Variants in RREB1 observed in about 807,000 individuals in gnomAD.
RREB1 encodes the protein ras-responsive element-binding protein 1.
A neutral mutation model predicts 117.8 loss-of-function variants in RREB1; 27 were observed. That is an observed-to-expected ratio of 0.23 (90% CI 0.17 to 0.32). The LOEUF (loss-of-function observed/expected upper bound fraction) is 0.32. Ranked by LOEUF, RREB1 falls within the 10% of genes least tolerant of loss-of-function variation. The pLI is 1.00. For synonymous variants in RREB1, 1,298 were observed against 1,026.7 expected (o/e 1.26, Z -5.05); for missense variants, 2,577 against 2,378.2 (o/e 1.08, Z -1.74).
At chr6:7,211,063 C>T (rs1164620773) in intron 7 of RREB1, 115 bp downstream of exon 7, 7 of 1,043,690 alleles carry the variant, frequency 6.7e-6, no homozygotes, top group South Asian at 3.2e-5. Context: ...AAGCTCTTAA[C>T]GTGTGTTTTC....
At position 7,197,522 on chromosome 6, in the gene RREB1, T is replaced by TA. The variant is rs370175446; in HGVS notation, c.425+8207dup. On this transcript the variant is annotated intron_variant, in intron 6 of 12. Coordinates refer to ENST00000379938, the MANE Select transcript of RREB1 (RefSeq NM_001003699.4). ...CAACATGGCAAAACCCCATCTCTAC[T>TA]AAAAAAACAAAAATTAGCCAGATTA... Among the ~76,000 whole-genome samples, 346 of 152,234 alleles carry TA rather than the reference T, an allele frequency of 2.3e-3. 4 individuals carry two copies. The highest frequency in any genetic ancestry group is 7.7e-3 in the African/African-American group (319 of 41,552).
At chr6:7,248,021 C>G (rs1013968602) in intron 12 of RREB1, among the ~76,000 whole-genome samples, 2 of 152,354 alleles carry the variant, frequency 1.3e-5, no homozygotes, top group Non-Finnish European at 2.9e-5. Flanking sequence ...GAGGGATATT[C>G]TTGGGCTCCC....
intron 1 of RREB1, among the ~76,000 whole-genome samples, chr6:7,153,941 A>C (rs909702307): frequency 2.0e-5 from 3 of 152,228 alleles, no homozygotes; most frequent in Admixed American, 2.0e-4. Context: ...CCACAAGGAA[A>C]GAGCTAGTGG....
In RREB1 at chr6:7,189,293, G is replaced by C. The variant is rs1402200427; in HGVS notation, c.396G>C (p.Gln132His). The C allele has an allele frequency of 6.3e-7, 1 of 1,598,280 alleles. No individual in the cohort carries two copies. The highest frequency in any genetic ancestry group is 1.1e-5 in the South Asian group (1 of 88,992). Reference sequence around the variant, plus strand: ...CTTACAAGTGCACTGTGTGTGGCCAGTCATTTACCACCAATGGGAACATGC... The same window carrying C: ...CTTACAAGTGCACTGTGTGTGGCCACTCATTTACCACCAATGGGAACATGC... ...ERPYKCTVCG[Q>H]SFTTNGNMHR... Residue 132 changes from glutamine (Q) to histidine (H), a missense_variant, in exon 6 of 13, where the codon CAG becomes CAC. Physicochemically the swap from Gln to His is conservative, Grantham distance 24. Coordinates refer to ENST00000379938, the MANE Select transcript of RREB1 (RefSeq NM_001003699.4).
intron 6 of RREB1, among the ~76,000 whole-genome samples, chr6:7,203,591 C>T (rs918276404): frequency 7.2e-5 from 11 of 152,070 alleles, no homozygotes; most frequent in Non-Finnish European, 1.2e-4. Context: ...GCTGATGAGC[C>T]GTGGAGATTG....
At chr6:7,214,923 T>C (rs1442849754) in intron 8 of RREB1, 1 of 152,240 alleles carries the variant, frequency 6.6e-6, no homozygotes, top group Non-Finnish European at 1.5e-5. Flanking sequence ...GTGTTTCAAA[T>C]GAATGAAGTG....
At chr6:7,171,871 C>T (rs1764227773) in intron 1 of RREB1, among the ~76,000 whole-genome samples, 3 of 151,284 alleles carry the variant, frequency 2.0e-5, no homozygotes, top group African/African-American at 4.9e-5. Flanking sequence ...GACTGGTGTG[C>T]GACGGGGCCA....
intron 9 of RREB1, among the ~76,000 whole-genome samples, chr6:7,227,132 C>T (rs1235637545): frequency 6.6e-6 from 1 of 151,922 alleles, no homozygotes; most frequent in Non-Finnish European, 1.5e-5. Context: ...GTCCCAGCTA[C>T]TTGGGAGGCT....
chr6:7,189,669 A>G (rs990229874), intron 6 of RREB1, among the ~76,000 whole-genome samples: 2 of 152,208 alleles, frequency 1.3e-5, no homozygotes, highest in Non-Finnish European at 1.5e-5. Flanking sequence ...CCATTTAAAA[A>G]ATATTTGCAT....
In RREB1 at chr6:7,248,643, G is replaced by C. The variant is rs1415168999; in HGVS notation, c.4904G>C (p.Arg1635Pro). The change falls in exon 13 of 13, where the codon CGG (arginine) becomes CCG (proline). Residue 1635 changes from arginine (R) to proline (P), a missense_variant. Transcript: ENST00000379938. Reference sequence around the variant, plus strand: ...GGGAAGGACAGCGACAAGGAAGAGCGGGGTGAGGAGGACAGCGAGAATGAG... The same window carrying C: ...GGGAAGGACAGCGACAAGGAAGAGCCGGGTGAGGAGGACAGCGAGAATGAG... ...HHGKDSDKEE[R>P]GEEDSENEST... is the part of the protein sequence containing the mutation. The C allele has an allele frequency of 5.0e-6, 8 of 1,614,120 alleles. No homozygotes were observed. The Admixed American group carries it at 1.3e-4, about 27-fold the overall frequency.
At chr6:7,131,890 C>T (rs1448090390) in intron 1 of RREB1, among the ~76,000 whole-genome samples, 2 of 151,134 alleles carry the variant, frequency 1.3e-5, no homozygotes, top group Admixed American at 6.6e-5. Flanking sequence ...GACAGAGTCT[C>T]CTCTGTCATC....
chr6:7,236,418 C>A (rs1172640290), intron 10 of RREB1, among the ~76,000 whole-genome samples: 1 of 152,176 alleles, frequency 6.6e-6, no homozygotes, highest in Non-Finnish European at 1.5e-5. Flanking sequence ...GAGCTTCGGT[C>A]AGTGAGTCAT....
rs34678863 is a variant in RREB1, at chr6:7,251,489, C to CTTTTT, written c.*2539_*2543dup. ...GTTTTTTGAGGTGCAAGTTTTTTCT[C>CTTTTT]TTTTTTTTTTTTTTTTTTTTTTCTC... On this transcript the variant is annotated 3_prime_UTR_variant, in exon 13 of 13. Transcript: ENST00000379938. 8.2e-5 allele frequency: 10 copies of CTTTTT among 121,348 alleles called. No individual in the cohort carries two copies. Among genetic ancestry groups the CTTTTT allele is most frequent in the African/African-American group, 2.2e-4 (7 of 31,416 alleles). 7.5% of individuals were successfully genotyped at this position (121,348 alleles called of 1,614,324 possible). A position where few individuals can be genotyped will look rare whatever the true frequency, so the allele number is the denominator to read the frequency against.
At chr6:7,183,913 G>C (rs1454562443) in intron 4 of RREB1, 1 of 152,344 alleles carries the variant, frequency 6.6e-6, no homozygotes, top group East Asian at 1.9e-4. Flanking sequence ...TTCCAGGAGA[G>C]ATTAGCCACA....
intron 1 of RREB1, among the ~76,000 whole-genome samples, chr6:7,131,882 C>CA (rs1762170897): frequency 6.6e-6 from 1 of 150,626 alleles, no homozygotes; most frequent in Non-Finnish European, 1.5e-5. Context: ...TTTTTGGAGA[C>CA]AGAGTCTCCT....
chr6:7,241,194 G>A (rs572839035), intron 11 of RREB1, among the ~76,000 whole-genome samples: 24 of 152,222 alleles, frequency 1.6e-4, no homozygotes, highest in African/African-American at 5.5e-4. Flanking sequence ...CTCCTGTGCT[G>A]ATGTGTGCTT....
intron 6 of RREB1, among the ~76,000 whole-genome samples, chr6:7,189,827 G>C (rs1581514143): frequency 6.6e-6 from 1 of 152,196 alleles, no homozygotes; most frequent in Non-Finnish European, 1.5e-5. Context: ...TAAACATCAG[G>C]ACATTAATTC....
At position 7,229,592 on chromosome 6, in the gene RREB1, A is replaced by C. The variant is rs1285506945; in HGVS notation, c.1493A>C (p.Gln498Pro). The part of the protein sequence containing the change: ...PFSKAPAAPL[Q>P]AIFKHMPPLK... The stretch of plus-strand genomic sequence containing the variant: ...TCCAAGGCCCCTGCCGCCCCACTGC[A>C]GGCGATCTTCAAGCACATGCCCCCT... Residue 498 changes from glutamine to proline, a missense_variant, in exon 10 of 13, where the codon CAG (glutamine) becomes CCG (proline). By Grantham distance (76) the Gln-to-Pro change is moderately conservative. Transcript: ENST00000379938. The surrounding 1 kb of genome is among the most constrained non-coding windows in gnomAD (Gnocchi z 4.5). 1 of 1,611,914 alleles carries C rather than the reference A, an allele frequency of 6.2e-7. No individual in the cohort carries two copies. Among genetic ancestry groups the C allele is most frequent in the East Asian group, 2.2e-5 (1 of 44,810 alleles).
chr6:7,190,474 A>T (rs7774421), intron 6 of RREB1, among the ~76,000 whole-genome samples: 4,615 of 152,322 alleles, frequency 0.03, 237 homozygotes, highest in African/African-American at 0.1. Context: ...ATTTAAAGCC[A>T]GTGTATATCT....
Sources: allele counts gnomAD v4.1 joint callset (sites outside exome capture counted in the v4.1 genomes callset), GRCh38; gene constraint gnomAD v4.1.1; non-coding constraint Gnocchi (gnomAD v3.1); transcripts MANE v1.5; gene names NCBI Gene and HGNC (gene_info 2026-07-23, HGNC 2026-07-21).